ATG2A: variants seen among roughly 807,000 people sequenced by gnomAD.
ATG2A encodes the protein autophagy related 2A.
In ATG2A, 103 loss-of-function variants were observed where a neutral mutation model predicts 214.2. The observed-to-expected ratio is 0.48, with a 90% CI of 0.41 to 0.57. ATG2A has a LOEUF of 0.57. Among genes scored for constraint, ATG2A ranks in the 20% least tolerant of loss-of-function variants. The pLI, the probability that ATG2A is intolerant of heterozygous loss-of-function variation, is 0.00. For missense variants in ATG2A, 2,312 were observed against 2,613.2 expected (o/e 0.88, Z 2.51); for synonymous variants, 1,160 against 1,142.1 (o/e 1.02, Z -0.32).
At chr11:64,916,832 C>G (rs1014532945) in intron 1 of ATG2A, 133 bp downstream of exon 1, 1 of 1,214,722 alleles carries the variant, frequency 8.2e-7, no homozygotes, top group South Asian at 1.5e-5. Context: ...CCTCTGACGC[C>G]TGGAGAGGGC....
Position 64,911,846 on chromosome 11 carries a change from T to A in ATG2A, c.1224A>T (p.Pro408=). ...CCCCAGGGTGCTCCAACTCACCAGC[T>A]GGGTGGGCCTGGGCAGAGAGCCGGC... ...ASRRLSAQAH[P]AGKMAPNPLL... is the part of the protein sequence containing the mutation. The change falls in exon 9 of 41, where the codon CCA becomes CCT. Residue 408 remains proline (P), a synonymous_variant. Coordinates refer to ENST00000377264, the MANE Select transcript of ATG2A (RefSeq NM_015104.3). The A allele has an allele frequency of 1.2e-6, 2 of 1,612,860 alleles. No individual in the cohort carries two copies. Among genetic ancestry groups the A allele is most frequent in the Non-Finnish European group, 1.7e-6 (2 of 1,179,920 alleles).
intron 24 of ATG2A, among the ~76,000 whole-genome samples, chr11:64,904,252 AAAT>A (rs1183893028): frequency 1.3e-5 from 2 of 151,642 alleles, no homozygotes; most frequent in African/African-American, 2.4e-5. Context: ...TCTCAAAAAG[AAAT>A]AATAATAAGG....
rs1479258805 is a variant in ATG2A at position 64,911,864 on chromosome 11, G to C, written c.1206C>G (p.Leu402=). 1 of 1,613,298 alleles carries C rather than the reference G, an allele frequency of 6.2e-7. No homozygotes were observed. The stretch of plus-strand genomic sequence containing the variant: ...CACCAGCTGGGTGGGCCTGGGCAGA[G>C]AGCCGGCGGGAGGCCATGTCGCTGC... The part of the protein sequence containing the change: ...SVRSDMASRR[L]SAQAHPAGKM... The change falls in exon 9 of 41, where the codon CTC becomes CTG. Residue 402 remains leucine (L), a synonymous_variant. Transcript: ENST00000377264.
chr11:64,897,110 C>T (rs1487458076), intron 37 of ATG2A: 3 of 637,994 alleles, frequency 4.7e-6, no homozygotes, highest in Non-Finnish European at 5.3e-6. Context: ...AACCGCCTCC[C>T]AGGTTCAAGC....
In ATG2A at chr11:64,898,653, G is replaced by A. The variant is rs763751721; in HGVS notation, c.4654C>T (p.Arg1552Cys). The A allele has an allele frequency of 9.3e-6, 15 of 1,613,886 alleles. No individual in the cohort carries two copies. The highest frequency in any genetic ancestry group is 5.5e-5 in the South Asian group (5 of 91,092). Residue 1552 changes from arginine (R) to cysteine (C), a missense_variant, in exon 32 of 41, where the codon CGT becomes TGT. Transcript: ENST00000377264. The surrounding 1 kb of genome is among the most constrained non-coding windows in gnomAD (Gnocchi z 4.5). The part of the protein sequence containing the change: ...YLHTSERMPR[R>C]AHSNMLTIKA... ...GCTCATACCATGTTAGAGTGGGCAC[G>A]TCGCGGCATCCGCTCACTCGTGTGT... is the stretch of plus-strand genomic sequence containing the variant.
intron 29 of ATG2A, 111 bp from the exon 30 acceptor site, chr11:64,901,203 G>T: frequency 8.8e-7 from 1 of 1,135,116 alleles, no homozygotes. Context: ...TTTATAGACA[G>T]GGTCGGGTCA....
At chr11:64,909,974 G>A (rs1359874755) in intron 13 of ATG2A, 50 bp from the exon 14 acceptor site, 2 of 1,571,918 alleles carry the variant, frequency 1.3e-6, no homozygotes, top group Non-Finnish European at 1.7e-6. Context: ...CTCCCACTGT[G>A]ACCAAGAGCC....
At position 64,905,793 on chromosome 11, in the gene ATG2A, G is replaced by C. The variant is rs775566814; in HGVS notation, c.3320C>G (p.Thr1107Arg). The change falls in exon 23 of 41, where the codon ACG becomes AGG. Residue 1107 changes from threonine to arginine, a missense_variant. Transcript: ENST00000377264. ...GTGTGTGTGCAGGATGGTGATGACC[G>C]TCGGGGGCAGGTAGCCCAGCACAGG... ...DDPVLGYLPP[T>R]VITILHTHLF... The C allele has an allele frequency of 1.9e-6, 3 of 1,613,688 alleles. No homozygotes were observed.
chr11:64,917,139 G>A lies in ATG2A; in HGVS notation c.-4C>T. 6.3e-7 allele frequency: 1 copy of A among 1,599,812 alleles called. No individual in the cohort carries two copies. The highest frequency in any genetic ancestry group is 2.3e-5 in the East Asian group (1 of 44,048). ...ATGGCCACAGCCATCGTGACATCTC[G>A]GAGACCGCCGGGCCTGGGCCGCCTC... On this transcript the variant is annotated 5_prime_UTR_variant, in exon 1 of 41. Coordinates refer to ENST00000377264, the MANE Select transcript of ATG2A (RefSeq NM_015104.3).
At chr11:64,900,350 G>A (rs926243284) in intron 31 of ATG2A, 144 bp downstream of exon 31, 4 of 1,270,730 alleles carry the variant, frequency 3.1e-6, no homozygotes, top group South Asian at 2.7e-5. Context: ...GGACACACTC[G>A]ATACATCTTG....
rs756681404 is a variant in ATG2A at position 64,912,117 on chromosome 11, A to T, written c.1055T>A (p.Leu352His). The T allele has an allele frequency of 1.2e-6, 2 of 1,613,586 alleles. No homozygotes were observed. Among genetic ancestry groups the T allele is most frequent in the African/African-American group, 2.7e-5 (2 of 74,920 alleles). Reference protein sequence around the residue: ...AVAEPLSPDPLTNPLLNLDNT... With the variant: ...AVAEPLSPDPHTNPLLNLDNT... The stretch of plus-strand genomic sequence containing the variant: ...ATCCAGGTTGAGAAGGGGGTTGGTA[A>T]GGGGGTCTGGGCTGAGGGGCTCAGC... The change falls in exon 8 of 41, where the codon CTT (leucine) becomes CAT (histidine). Residue 352 changes from leucine (L) to histidine (H), a missense_variant. Physicochemically the swap from Leu to His is moderately conservative, Grantham distance 99. Coordinates refer to ENST00000377264, the MANE Select transcript of ATG2A (RefSeq NM_015104.3).
chr11:64,902,043 A>G lies in ATG2A; in HGVS notation c.4038T>C (p.Asp1346=). Residue 1346 remains aspartate (D), a synonymous_variant, in exon 29 of 41, where the codon GAT becomes GAC. Transcript: ENST00000377264. ...CTCCATCGCCCTCCTCTTCCCTTTCATCTTCCTTCTCCTCTGAGCATGACC... is the reference window on the plus strand; with the variant it reads ...CTCCATCGCCCTCCTCTTCCCTTTCGTCTTCCTTCTCCTCTGAGCATGACC... ...SLGSCSEEKE[D]EREEEGDGDT... 1 of 1,613,832 alleles carries G rather than the reference A, an allele frequency of 6.2e-7. No individual in the cohort carries two copies. Among genetic ancestry groups the G allele is most frequent in the African/African-American group, 1.3e-5 (1 of 74,966 alleles).
chr11:64,895,207 G>T lies in ATG2A; in HGVS notation c.5583C>A (p.Gly1861=). ...VAKAYDTVRE[G]ILDTAQTICD... ...AGATGGTCTGAGCTGTATCCAAGAT[G>T]CCCTGTGGAAGCCAGAGGTCAGGGC... Residue 1861 remains glycine, a splice_region_variant and synonymous_variant, in exon 41 of 41, where the codon GGC becomes GGA. Transcript: ENST00000377264. This position sits in a 1 kb window ranked among gnomAD's most constrained non-coding sequence, Gnocchi z 5.0. 1 of 1,612,880 alleles carries T rather than the reference G, an allele frequency of 6.2e-7. No individual in the cohort carries two copies. Among genetic ancestry groups the T allele is most frequent in the Non-Finnish European group, 8.5e-7 (1 of 1,179,550 alleles).
chr11:64,912,475 T>C, intron 6 of ATG2A, 52 bp from the exon 7 acceptor site: 1 of 1,444,478 alleles, frequency 6.9e-7, no homozygotes, highest in Non-Finnish European at 9.3e-7. Context: ...CCAGCTCCTC[T>C]AAGAGCTACC....
rs373032788 is a variant in ATG2A at position 64,897,473 on chromosome 11, T to C, written c.5089A>G (p.Ile1697Val). The change falls in exon 37 of 41, where the codon ATC becomes GTC. Residue 1697 changes from isoleucine (I) to valine (V), a missense_variant. Transcript: ENST00000377264. ...DQVGTFAGLL[I>V]GLAQLNCSEL... ...GAGCAGTTGAGTTGGGCCAGGCCGA[T>C]GAGGAGGCCAGCAAAAGTGCCCTGG... The C allele has an allele frequency of 6.3e-7, 1 of 1,578,846 alleles. No individual in the cohort carries two copies. Among genetic ancestry groups the C allele is most frequent in the South Asian group, 1.2e-5 (1 of 86,514 alleles).
chr11:64,913,624 C>T lies in ATG2A; in HGVS notation c.590+197G>A. ...AACTTGGTTCTTGGGGCCTCGGCCA[C>T]TCTGGGCCTGTATCACCTGGCCTCT... On this transcript the variant is annotated intron_variant, in intron 4 of 40. Coordinates refer to ENST00000377264, the MANE Select transcript of ATG2A (RefSeq NM_015104.3). This position sits in a 1 kb window ranked among gnomAD's most constrained non-coding sequence, Gnocchi z 4.3. 2.5e-6 allele frequency: 2 copies of T among 795,028 alleles called. No individual in the cohort carries two copies. The highest frequency in any genetic ancestry group is 3.9e-6 in the Non-Finnish European group (2 of 512,096). 49.2% of individuals were successfully genotyped at this position (795,028 alleles called of 1,614,324 possible).
chr11:64,902,735 T>C (rs1347439288), intron 26 of ATG2A, 55 bp from the exon 27 acceptor site: 1 of 1,538,090 alleles, frequency 6.5e-7, no homozygotes, highest in Non-Finnish European at 8.9e-7. Flanking sequence ...CACTGCCTGC[T>C]GGCCCCACCC....
Position 64,910,185 on chromosome 11 carries a change from C to T in ATG2A, c.1718G>A (p.Arg573Gln), listed in dbSNP as rs745833839. 37 of 1,601,578 alleles carry T rather than the reference C, an allele frequency of 2.3e-5. No homozygotes were observed. The highest frequency in any genetic ancestry group is 1.2e-4 in the Admixed American group (7 of 57,908). Residue 573 changes from arginine (R) to glutamine (Q), a missense_variant, in exon 13 of 41, where the codon CGG (arginine) becomes CAG (glutamine). Coordinates refer to ENST00000377264, the MANE Select transcript of ATG2A (RefSeq NM_015104.3). ...ILRRVPKSRP[R>Q]RSVACHCHSE... is the part of the protein sequence containing the mutation. The stretch of plus-strand genomic sequence containing the variant: ...GTGGCAATGGCAGGCAACTGAGCGC[C>T]GGGGTCGGCTCTGAGGGCGAGGGCG...
intron 37 of ATG2A, 150 bp from the exon 38 acceptor site, chr11:64,897,019 G>A (rs1944176833): frequency 4.5e-6 from 5 of 1,107,122 alleles, no homozygotes; most frequent in Non-Finnish European, 6.2e-6. Flanking sequence ...CAGAGGGACT[G>A]TGTCCTTTTT....
Sources: allele counts gnomAD v4.1 joint callset (sites outside exome capture counted in the v4.1 genomes callset), GRCh38; gene constraint gnomAD v4.1.1; non-coding constraint Gnocchi (gnomAD v3.1); transcripts MANE v1.5; gene names NCBI Gene and HGNC (gene_info 2026-07-23, HGNC 2026-07-21).